The following SAMD5 variants were observed in gnomAD, a reference collection of about 807,000 sequenced individuals.
SAMD5 encodes the protein sterile alpha motif domain containing 5.
Under a neutral mutation model 11.3 loss-of-function variants are expected in SAMD5, and 13 were observed. The observed-to-expected ratio is 1.15, with a 90% CI of 0.75 to 1.83. The LOEUF is 1.83. Ranked by LOEUF, SAMD5 falls within the 40% of genes most tolerant of loss-of-function variation. SAMD5 has a pLI of 0.00. For missense variants in SAMD5, 255 were observed against 239.1 expected, an observed-to-expected ratio of 1.07 and a Z score of -0.44; for synonymous variants, 129 against 111.3, an observed-to-expected ratio of 1.16 and a Z score of -1.00.
chr6:147,613,365 A>G (rs763993376), intron 1 of SAMD5, among the ~76,000 whole-genome samples: 3 of 151,788 alleles, frequency 2.0e-5, no homozygotes, highest in Non-Finnish European at 4.4e-5. Flanking sequence ...CCCACGCACT[A>G]AGAGATAGTC....
At chr6:147,947,193 C>T in the SAMD5 span, among the ~76,000 whole-genome samples, 1 of 152,152 alleles carries the variant, frequency 6.6e-6, no homozygotes, top group East Asian at 1.9e-4. Context: ...CATTTTCCCC[C>T]TTTTGCTTGC....
At chr6:147,677,732 C>T (rs1006676148) in intron 1 of SAMD5, among the ~76,000 whole-genome samples, 1 of 151,908 alleles carries the variant, frequency 6.6e-6, no homozygotes, top group South Asian at 2.1e-4. Context: ...GACATCGGCA[C>T]TGTAAAGGGA....
the SAMD5 span, among the ~76,000 whole-genome samples, chr6:147,793,783 T>C: frequency 6.6e-6 from 1 of 152,222 alleles, no homozygotes; most frequent in Non-Finnish European, 1.5e-5. Flanking sequence ...TTCTATCATT[T>C]ACTTTTTCAC....
chr6:147,867,461 C>G, the SAMD5 span, among the ~76,000 whole-genome samples: 24 of 151,794 alleles, frequency 1.6e-4, no homozygotes, highest in South Asian at 4.8e-3. Flanking sequence ...ATGTAAAATG[C>G]CTTTTAAAGA....
the SAMD5 span, among the ~76,000 whole-genome samples, chr6:147,808,212 A>AT: frequency 6.6e-6 from 1 of 151,994 alleles, no homozygotes; most frequent in East Asian, 1.9e-4. Flanking sequence ...ATTTATTATT[A>AT]TTTTTTTAGA....
the SAMD5 span, among the ~76,000 whole-genome samples, chr6:147,929,504 A>G: frequency 2.0e-5 from 3 of 152,220 alleles, no homozygotes; most frequent in African/African-American, 7.2e-5. Context: ...TATAACTAAC[A>G]TGCATATATT....
At chr6:147,684,508 T>G (rs1436535129) in intron 1 of SAMD5, among the ~76,000 whole-genome samples, 1 of 152,162 alleles carries the variant, frequency 6.6e-6, no homozygotes, top group Non-Finnish European at 1.5e-5. Flanking sequence ...GTTGTACATT[T>G]GTGCAGTGTT....
At chr6:147,519,627 CTGTT>C (rs1382640536) in intron 1 of SAMD5, among the ~76,000 whole-genome samples, 1 of 152,122 alleles carries the variant, frequency 6.6e-6, no homozygotes, top group Non-Finnish European at 1.5e-5. Context: ...TTCAAATTGA[CTGTT>C]TAACTCAAGA....
At chr6:147,558,880 A>G (rs1341772491) in intron 1 of SAMD5, among the ~76,000 whole-genome samples, 1 of 152,092 alleles carries the variant, frequency 6.6e-6, no homozygotes, top group African/African-American at 2.4e-5. Flanking sequence ...GTCTGTCTCC[A>G]TGGAATCCTT....
chr6:147,850,578 G>A, the SAMD5 span, among the ~76,000 whole-genome samples: 1 of 152,080 alleles, frequency 6.6e-6, no homozygotes, highest in African/African-American at 2.4e-5. Flanking sequence ...TAAATTTTGT[G>A]TTGTTTTGAT....
chr6:147,802,327 C>T, the SAMD5 span, among the ~76,000 whole-genome samples: 1 of 151,066 alleles, frequency 6.6e-6, no homozygotes, highest in African/African-American at 2.4e-5. Flanking sequence ...TATTGTTGGT[C>T]ATTAAAGAAA....
intron 1 of SAMD5, among the ~76,000 whole-genome samples, chr6:147,716,882 A>G (rs1460940669): frequency 6.6e-6 from 1 of 152,252 alleles, no homozygotes; most frequent in Non-Finnish European, 1.5e-5. Context: ...CTTTACTTGA[A>G]TCTTGACACC....
the SAMD5 span, among the ~76,000 whole-genome samples, chr6:147,950,869 CAA>C: frequency 1.3e-5 from 2 of 151,998 alleles, no homozygotes; most frequent in Non-Finnish European, 2.9e-5. Context: ...GAGGGGAGGT[CAA>C]GTTTTCTTTC....
At chr6:147,767,256 C>A in the SAMD5 span, among the ~76,000 whole-genome samples, 3 of 152,132 alleles carry the variant, frequency 2.0e-5, no homozygotes, top group Middle Eastern at 3.4e-3. Flanking sequence ...AAGGTCAACA[C>A]CTGTGGAGGA....
At chr6:147,613,555 T>G (rs1789818047) in intron 1 of SAMD5, among the ~76,000 whole-genome samples, 1 of 151,612 alleles carries the variant, frequency 6.6e-6, no homozygotes, top group African/African-American at 2.4e-5. Context: ...GCCTGCTGTC[T>G]GGGTAGAGGT....
the SAMD5 span, among the ~76,000 whole-genome samples, chr6:147,768,195 G>T: frequency 1.3e-5 from 2 of 152,138 alleles, no homozygotes; most frequent in African/African-American, 2.4e-5. Flanking sequence ...GTTCAAAGAA[G>T]AGGCTAGGCA....
At chr6:147,618,062 T>C (rs1050491108) in intron 1 of SAMD5, among the ~76,000 whole-genome samples, 1 of 152,208 alleles carries the variant, frequency 6.6e-6, no homozygotes, top group African/African-American at 2.4e-5. Flanking sequence ...AACAGGCTAC[T>C]TTTTATGTTT....
the SAMD5 span, among the ~76,000 whole-genome samples, chr6:147,870,468 GTGTGTGTGTGTGTGTA>G: frequency 8.1e-6 from 1 of 123,016 alleles, no homozygotes; most frequent in East Asian, 2.4e-4. Context: ...GTGTGTGTGT[GTGTGTGTGTGTGTGTA>G]TATATATATG....
Position 147,564,696 on chromosome 6 carries a change from T to A in SAMD5, c.*240T>A. 8.2e-7 allele frequency: 1 copy of A among 1,223,594 alleles called. No homozygotes were observed. The highest frequency in any genetic ancestry group is 1.0e-6 in the Non-Finnish European group (1 of 976,862). 75.8% of individuals were successfully genotyped at this position (1,223,594 alleles called of 1,614,324 possible). On this transcript the variant is annotated 3_prime_UTR_variant, in exon 2 of 2. Transcript: ENST00000367474. ...TAAAGAAGTATTGAGTTCATTTTTT[T>A]AAGAAGATATCATGATGAGATACAG...
Sources: allele counts gnomAD v4.1 joint callset (sites outside exome capture counted in the v4.1 genomes callset), GRCh38; gene constraint gnomAD v4.1.1; transcripts MANE v1.5; gene names NCBI Gene and HGNC (gene_info 2026-07-23, HGNC 2026-07-21).